The following ANK3 variants were observed in gnomAD, a reference collection of about 807,000 sequenced individuals.
The protein encoded by ANK3 is ankyrin-3.
In ANK3, 57 loss-of-function variants were observed where a neutral mutation model predicts 370.9. The ratio of observed to expected loss-of-function variants is 0.15; its 90% confidence interval spans 0.12 to 0.19. The LOEUF (loss-of-function observed/expected upper bound fraction) is 0.19, where lower values mean the gene tolerates loss of function less well. Ranked by LOEUF, ANK3 falls within the 10% of genes least tolerant of loss-of-function variation. The probability of loss-of-function intolerance (pLI) is 1.00; values close to 1 mark genes in which losing one functional copy is unlikely to be tolerated. For synonymous variants in ANK3, 1,929 were observed against 1,946.3 expected (o/e 0.99, Z 0.23); for missense variants, 4,439 against 5,302.1 (o/e 0.84, Z 5.06).
chr10:60,467,140 C>T (rs2065028823), intron 2 of ANK3, among the ~76,000 whole-genome samples: 2 of 152,096 alleles, frequency 1.3e-5, no homozygotes, highest in South Asian at 4.1e-4. Context: ...GAAATATATG[C>T]AATTCATTCA....
intron 1 of ANK3, chr10:60,733,184 C>T: frequency 8.3e-7 from 1 of 1,203,258 alleles, no homozygotes. Context: ...GCCCCCCGGC[C>T]CGGGCCTCCC....
chr10:60,322,948 G>A (rs1390877634), intron 1 of ANK3, among the ~76,000 whole-genome samples: 1 of 152,182 alleles, frequency 6.6e-6, no homozygotes, highest in Non-Finnish European at 1.5e-5. Flanking sequence ...GGGAAGAGCA[G>A]GTTGGGCATG....
Position 60,516,483 on chromosome 10 carries a change from G to A in ANK3, c.96+98703C>T, listed in dbSNP as rs944680019. ...AGCAGCTTCAAGCTTGGTTTTCACT[G>A]TAACGTCCTACTTTAATTAGCCAAG... On this transcript the variant is annotated intron_variant, in intron 2 of 43. Coordinates refer to the ANK3 transcript ENST00000373827. 2.0e-5 allele frequency among the ~76,000 whole-genome samples: 3 copies of A among 152,126 alleles called. No individual in the cohort carries two copies. In the East Asian group the frequency reaches 5.8e-4, roughly 29 times the overall value.
At chr10:60,730,506 TA>T (rs2080006945) in intron 1 of ANK3, among the ~76,000 whole-genome samples, 1 of 152,186 alleles carries the variant, frequency 6.6e-6, no homozygotes. Context: ...TTTTAATACT[TA>T]AAACACATGT....
At chr10:60,212,357 G>A (rs77586464) in intron 9 of ANK3, among the ~76,000 whole-genome samples, 3,263 of 152,208 alleles carry the variant, frequency 0.021, 96 homozygotes, top group African/African-American at 0.071. Flanking sequence ...AGGGAAATGG[G>A]GGACCAACAG....
At chr10:60,240,207 T>C (rs1463496937) in intron 7 of ANK3, among the ~76,000 whole-genome samples, 1 of 144,358 alleles carries the variant, frequency 6.9e-6, no homozygotes, top group East Asian at 2.0e-4. Context: ...CACACACATA[T>C]ATATACACAT....
chr10:60,055,577 C>T (rs2393609), intron 42 of ANK3, 81 bp downstream of exon 42: 5 of 1,478,952 alleles, frequency 3.4e-6, no homozygotes, highest in Non-Finnish European at 4.5e-6. Flanking sequence ...CTTGGGCCCC[C>T]GGCTGCAAGA....
intron 2 of ANK3, among the ~76,000 whole-genome samples, chr10:60,570,124 T>A (rs945175254): frequency 2.0e-5 from 3 of 152,234 alleles, no homozygotes; most frequent in African/African-American, 7.2e-5. Flanking sequence ...TTGATATGTA[T>A]CTGCTCTAAC....
At chr10:60,396,058 G>A (rs1476223977) in intron 2 of ANK3, among the ~76,000 whole-genome samples, 1 of 152,088 alleles carries the variant, frequency 6.6e-6, no homozygotes, top group Admixed American at 6.5e-5. Context: ...TTTACGCCCT[G>A]GCTACTACTG....
chr10:60,727,621 A>G (rs531641355), intron 1 of ANK3, among the ~76,000 whole-genome samples: 15 of 152,232 alleles, frequency 9.9e-5, no homozygotes, highest in Admixed American at 9.8e-4. Context: ...AAGCAAAACA[A>G]GAATCTATTA....
At chr10:60,207,987 C>A (rs536445116) in intron 10 of ANK3, 49 bp downstream of exon 10, 2 of 1,504,850 alleles carry the variant, frequency 1.3e-6, no homozygotes, top group Admixed American at 3.3e-5. Flanking sequence ...AGAGGCAGCA[C>A]GTTGTGAGCA....
intron 1 of ANK3, among the ~76,000 whole-genome samples, chr10:60,377,018 G>A (rs1049756690): frequency 5.3e-5 from 8 of 152,158 alleles, no homozygotes; most frequent in East Asian, 1.9e-4. Flanking sequence ...AATTAATTAC[G>A]GGCAGCACTT....
intron 2 of ANK3, among the ~76,000 whole-genome samples, chr10:60,505,895 G>A (rs902802246): frequency 6.6e-6 from 1 of 152,022 alleles, no homozygotes; most frequent in Non-Finnish European, 1.5e-5. Flanking sequence ...ACCTATTGTG[G>A]TTTACACAGT....
intron 1 of ANK3, among the ~76,000 whole-genome samples, chr10:60,618,164 G>A (rs184819169): frequency 4.9e-4 from 75 of 152,164 alleles, no homozygotes; most frequent in Admixed American, 9.8e-4. Context: ...GCACACCCAC[G>A]TTATCTGGTT....
rs1396600609 is a variant in ANK3 at position 60,069,294 on chromosome 10, A to G, written c.11587T>C (p.Ser3863Pro). The G allele has an allele frequency of 6.2e-7, 1 of 1,613,854 alleles. No homozygotes were observed. ...GAAGTGGCCTTTATGGGAAGTTTGG[A>G]TTTTTGCCTAATCCCTATCAATTCC... ...TKELIGIRQKSKLPIKATSPK... is the reference protein window; with the variant it reads ...TKELIGIRQKPKLPIKATSPK... Residue 3863 changes from serine to proline, a missense_variant, in exon 37 of 44, where the codon TCC (serine) becomes CCC (proline). Physicochemically the swap from Ser to Pro is moderately conservative, Grantham distance 74. Transcript: ENST00000280772.
At chr10:60,530,582 C>T (rs889033993) in intron 2 of ANK3, among the ~76,000 whole-genome samples, 29 of 152,136 alleles carry the variant, frequency 1.9e-4, no homozygotes, top group Non-Finnish European at 4.3e-4. Flanking sequence ...GTGGGCGCCT[C>T]TGTAAGTTTG....
intron 2 of ANK3, among the ~76,000 whole-genome samples, chr10:60,497,737 TC>T (rs1253494550): frequency 2.0e-5 from 3 of 152,238 alleles, no homozygotes; most frequent in Non-Finnish European, 4.4e-5. Flanking sequence ...AATGCTCAGA[TC>T]CCCTTCGCAG....
intron 2 of ANK3, among the ~76,000 whole-genome samples, chr10:60,442,387 C>A (rs189695997): frequency 6.6e-6 from 1 of 152,090 alleles, no homozygotes. Flanking sequence ...TGAGCCACCA[C>A]GCTGGACAAT....
At chr10:60,695,473 T>C (rs976148779) in intron 1 of ANK3, among the ~76,000 whole-genome samples, 1 of 152,126 alleles carries the variant, frequency 6.6e-6, no homozygotes, top group Non-Finnish European at 1.5e-5. Flanking sequence ...ACACCACACC[T>C]ATTCCAAAAT....
Sources: gnomAD v4.1 joint callset for allele counts (sites outside exome capture counted in the v4.1 genomes callset) on GRCh38, gnomAD v4.1.1 for gene constraint, MANE v1.5 for transcripts, NCBI Gene and HGNC (gene_info 2026-07-23, HGNC 2026-07-21) for gene names.